ARHGEF10: variants seen among roughly 807,000 people sequenced by gnomAD.
ARHGEF10 encodes Rho guanine nucleotide exchange factor (GEF) 10.
ARHGEF10 carries 140 observed loss-of-function variants against 147.4 expected under a neutral mutation model. The observed-to-expected ratio is 0.95, with a 90% confidence interval of 0.83 to 1.09. ARHGEF10 has a LOEUF of 1.09. Among genes scored for constraint, ARHGEF10 ranks in the 50% least tolerant of loss-of-function variants. The pLI, the probability that ARHGEF10 is intolerant of heterozygous loss-of-function variation, is 0.00. For missense variants in ARHGEF10, 2,222 were observed against 1,752.7 expected, an observed-to-expected ratio of 1.27 and a Z score of -4.78; for synonymous variants, 902 against 695.8, an observed-to-expected ratio of 1.30 and a Z score of -4.67.
intron 2 of ARHGEF10, among the ~76,000 whole-genome samples, chr8:1,856,598 G>A (rs996277364): frequency 2.0e-5 from 3 of 152,358 alleles, no homozygotes; most frequent in African/African-American, 7.2e-5. Context: ...TGGAGACTGC[G>A]TGGAGTGTAA....
At chr8:1,916,203 C>G (rs1265672024) in intron 18 of ARHGEF10, among the ~76,000 whole-genome samples, 1 of 152,068 alleles carries the variant, frequency 6.6e-6, no homozygotes, top group Non-Finnish European at 1.5e-5. Flanking sequence ...TCTCTGTGTC[C>G]TAAGTGCAGA....
chr8:1,918,653 C>G lies in ARHGEF10; in HGVS notation c.2144-4311C>G, dbSNP rs76559686. ...TTCCTTCACACACTTACCATTTGTT[C>G]ATGGTGAGAACCTTAAAGTCTACTC... is the stretch of plus-strand genomic sequence containing the variant. On this transcript the variant is annotated intron_variant, in intron 18 of 28. Coordinates refer to ENST00000349830, the MANE Select transcript of ARHGEF10 (RefSeq NM_014629.4). Among the ~76,000 whole-genome samples the G allele has an allele frequency of 2.1e-3, 320 of 152,322 alleles. 2 individuals carry two copies. The highest frequency in any genetic ancestry group is 6.8e-3 in the African/African-American group (281 of 41,564).
upstream of ARHGEF10, among the ~76,000 whole-genome samples, chr8:1,823,754 G>T (rs951669874): frequency 6.6e-6 from 1 of 151,868 alleles, no homozygotes; most frequent in South Asian, 2.1e-4. Context: ...AGCCTGGGCC[G>T]GGCGTTGGGC....
chr8:1,945,241 C>G (rs1043441087), intron 26 of ARHGEF10, among the ~76,000 whole-genome samples: 24 of 152,206 alleles, frequency 1.6e-4, no homozygotes, highest in African/African-American at 5.8e-4. Flanking sequence ...GGCAGGCGCA[C>G]CATGCCTGTG....
At position 1,928,808 on chromosome 8, in the gene ARHGEF10, T is replaced by G. The variant is rs1410531165; in HGVS notation, c.2921+158T>G. 4.6e-5 allele frequency among the ~76,000 whole-genome samples: 7 copies of G among 152,346 alleles called. No individual in the cohort carries two copies. In the East Asian group the frequency reaches 1.3e-3, roughly 29 times the overall value. The stretch of plus-strand genomic sequence containing the variant: ...GGAAATTTTTAGGGTCATTGCACTT[T>G]GAAATAACTAGTGAATTGGGCCCAT... On this transcript the variant is annotated intron_variant, in intron 24 of 28. Transcript: ENST00000349830.
chr8:1,885,833 C>CA lies in ARHGEF10; in HGVS notation c.1182+127dup, dbSNP rs1455023846. ...AAACTCTGCATCCACTCGGGCCCTC[C>CA]ACTGTAGGTTCCTGGCCCAGCACTT... On this transcript the variant is annotated intron_variant, in intron 11 of 28. Transcript: ENST00000349830. 1.2e-5 allele frequency: 9 copies of CA among 777,350 alleles called. No individual in the cohort carries two copies. The African/African-American group carries it at 1.5e-4, about 13-fold the overall frequency. 48.2% of individuals were successfully genotyped at this position (777,350 alleles called of 1,614,324 possible).
intron 2 of ARHGEF10, among the ~76,000 whole-genome samples, chr8:1,847,127 T>C (rs1051863102): frequency 6.6e-6 from 1 of 152,012 alleles, no homozygotes; most frequent in Non-Finnish European, 1.5e-5. Flanking sequence ...CAAGGGGAAG[T>C]GGTGTTGGAG....
chr8:1,938,116 G>A (rs1002330764), intron 26 of ARHGEF10, among the ~76,000 whole-genome samples: 6 of 152,214 alleles, frequency 3.9e-5, no homozygotes, highest in African/African-American at 9.6e-5. Flanking sequence ...GCTGCCGCAC[G>A]GTGCCAGTCA....
chr8:1,890,566 T>A (rs1348925665), intron 11 of ARHGEF10, among the ~76,000 whole-genome samples: 1 of 141,350 alleles, frequency 7.1e-6, no homozygotes, highest in African/African-American at 2.8e-5. Context: ...TTTTGAGGAG[T>A]CACTGAGTGT....
chr8:1,901,753 A>G (rs1315176159), intron 15 of ARHGEF10, among the ~76,000 whole-genome samples: 2 of 152,232 alleles, frequency 1.3e-5, no homozygotes, highest in Admixed American at 6.5e-5. Context: ...GGTTTGGTGC[A>G]GAACTAGTGT....
In ARHGEF10 at chr8:1,958,331, G is replaced by A. The variant is rs940332389; in HGVS notation, c.*1068G>A. ...ATTCTGCAGTTGCAGAGCCAGCCCCGCGTGAGAACGTGCATAATGAGTGCA... is the reference window on the plus strand; with the variant it reads ...ATTCTGCAGTTGCAGAGCCAGCCCCACGTGAGAACGTGCATAATGAGTGCA... On this transcript the variant is annotated 3_prime_UTR_variant, in exon 29 of 29. Coordinates refer to ENST00000349830, the MANE Select transcript of ARHGEF10 (RefSeq NM_014629.4). 3 of 152,332 alleles carry A rather than the reference G, an allele frequency of 2.0e-5. No homozygotes were observed. The highest frequency in any genetic ancestry group is 2.1e-4 in the South Asian group (1 of 4,824). The allele number at this position is 152,332 out of a possible 1,614,324, so 9.4% of individuals were successfully genotyped here. A position where few individuals can be genotyped will look rare whatever the true frequency, so the allele number is the denominator to read the frequency against.
chr8:1,954,750 A>G (rs981675452), intron 28 of ARHGEF10, among the ~76,000 whole-genome samples: 1 of 152,170 alleles, frequency 6.6e-6, no homozygotes, highest in African/African-American at 2.4e-5. Flanking sequence ...TAGTTGTACC[A>G]ATTTGTATCT....
At chr8:1,863,035 A>G (rs7822854) in intron 4 of ARHGEF10, among the ~76,000 whole-genome samples, 77,559 of 151,750 alleles carry the variant, frequency 0.51, 19,927 homozygotes, top group East Asian at 0.63. Context: ...CGCCCGCCTC[A>G]GCCTCCGAAA....
chr8:1,879,092 G>A (rs1478555244), intron 8 of ARHGEF10, among the ~76,000 whole-genome samples: 6 of 152,182 alleles, frequency 3.9e-5, no homozygotes, highest in Admixed American at 3.9e-4. Context: ...ACTATATGTT[G>A]TTCAAAAGTC....
chr8:1,949,200 A>G (rs972623925), intron 27 of ARHGEF10, among the ~76,000 whole-genome samples: 1 of 152,214 alleles, frequency 6.6e-6, no homozygotes, highest in African/African-American at 2.4e-5. Flanking sequence ...CAACGTGATG[A>G]AACCTCCTTC....
intron 28 of ARHGEF10, among the ~76,000 whole-genome samples, chr8:1,953,954 C>G (rs898946993): frequency 2.6e-5 from 4 of 152,204 alleles, no homozygotes; most frequent in Non-Finnish European, 5.9e-5. Context: ...TCCGTGCACT[C>G]AGATTTTGGC....
chr8:1,865,814 G>C (rs1430749867), intron 5 of ARHGEF10, among the ~76,000 whole-genome samples: 2 of 152,178 alleles, frequency 1.3e-5, no homozygotes, highest in Non-Finnish European at 2.9e-5. Context: ...GGCCTTCCCA[G>C]CAGTGTCTCT....
At chr8:1,945,702 G>T (rs201154615) in intron 27 of ARHGEF10, 47 bp downstream of exon 27, 2 of 1,610,698 alleles carry the variant, frequency 1.2e-6, no homozygotes, top group Non-Finnish European at 1.7e-6. Context: ...AACCGGGGAC[G>T]GACGTGGGGG....
At chr8:1,895,165 G>T (rs1180595380) in intron 13 of ARHGEF10, among the ~76,000 whole-genome samples, 1 of 152,222 alleles carries the variant, frequency 6.6e-6, no homozygotes, top group Admixed American at 6.5e-5. Flanking sequence ...GCAGGAGAAA[G>T]GGTTAGCTGC....
Sources: gnomAD v4.1 joint callset for allele counts (sites outside exome capture counted in the v4.1 genomes callset) on GRCh38, gnomAD v4.1.1 for gene constraint, MANE v1.5 for transcripts, NCBI Gene and HGNC (gene_info 2026-07-23, HGNC 2026-07-21) for gene names.